Variants in PRKCA observed in about 807,000 individuals in gnomAD.
The protein encoded by PRKCA is protein kinase C alpha, also known as protein kinase C alpha type.
PRKCA carries 27 observed loss-of-function variants against 87.0 expected under a neutral mutation model. The ratio of observed to expected loss-of-function variants is 0.31; its 90% confidence interval spans 0.23 to 0.43. PRKCA has a LOEUF of 0.43. PRKCA is among the 20% of genes least tolerant of loss of function. The pLI, the probability that PRKCA is intolerant of heterozygous loss-of-function variation, is 1.00. For synonymous variants in PRKCA, 329 were observed against 311.1 expected, an observed-to-expected ratio of 1.06 and a Z score of -0.61; for missense variants, 518 against 852.3, an observed-to-expected ratio of 0.61 and a Z score of 4.88.
At chr17:66,763,744 T>C (rs1974736973) in intron 13 of PRKCA, among the ~76,000 whole-genome samples, 1 of 152,138 alleles carries the variant, frequency 6.6e-6, no homozygotes, top group African/African-American at 2.4e-5. Context: ...AAGATTGGGC[T>C]CTAGGGGTTT....
At chr17:66,732,349 A>G (rs1413598517) in intron 8 of PRKCA, among the ~76,000 whole-genome samples, 2 of 152,224 alleles carry the variant, frequency 1.3e-5, no homozygotes, top group African/African-American at 4.8e-5. Context: ...TATTATGTTC[A>G]TGGACCCGAA....
intron 2 of PRKCA, among the ~76,000 whole-genome samples, chr17:66,433,822 G>A (rs545297487): frequency 6.6e-6 from 1 of 152,280 alleles, no homozygotes; most frequent in East Asian, 1.9e-4. Context: ...TGGGATTATA[G>A]GTGTGAGCCA....
At chr17:66,526,603 G>A (rs925270247) in intron 3 of PRKCA, among the ~76,000 whole-genome samples, 1 of 152,184 alleles carries the variant, frequency 6.6e-6, no homozygotes, top group African/African-American at 2.4e-5. Flanking sequence ...GTTCATTCTA[G>A]GCTTGGTAGG....
Position 66,448,876 on chromosome 17 carries a change from A to C in PRKCA, c.206-47325A>C, listed in dbSNP as rs141824385. Among the ~76,000 whole-genome samples, 913 of 152,168 alleles carry C rather than the reference A, an allele frequency of 6.0e-3. 38 individuals are homozygous for C. Among genetic ancestry groups the C allele is most frequent in the Admixed American group, 0.053 (813 of 15,286 alleles). ...ATTCTGGCAAAAAAAAAAAAATCTA[A>C]AAGTTTTTTAAACTTATTGAATCTG... On this transcript the variant is annotated intron_variant, in intron 2 of 16. Transcript: ENST00000413366.
intron 2 of PRKCA, among the ~76,000 whole-genome samples, chr17:66,347,940 C>CATTTTTTTTT (rs1489452253): frequency 8.2e-5 from 1 of 12,168 alleles, no homozygotes; most frequent in African/African-American, 1.2e-4. Flanking sequence ...GAATTCTGAA[C>CATTTTTTTTT]CTTTTTTTTT....
chr17:66,515,558 G>T (rs183585743), intron 3 of PRKCA, among the ~76,000 whole-genome samples: 52 of 152,132 alleles, frequency 3.4e-4, no homozygotes, highest in Non-Finnish European at 6.0e-4. Context: ...TTTTTTGCGG[G>T]GGGTAGGGTG....
intron 8 of PRKCA, 35 bp from the exon 9 acceptor site, chr17:66,732,653 G>T: frequency 1.2e-6 from 2 of 1,612,992 alleles, no homozygotes; most frequent in South Asian, 2.2e-5. Flanking sequence ...CCAGAAAAAT[G>T]ACCCACGTGT....
At chr17:66,782,483 C>T (rs1329351150) in intron 14 of PRKCA, among the ~76,000 whole-genome samples, 1 of 152,154 alleles carries the variant, frequency 6.6e-6, no homozygotes, top group Non-Finnish European at 1.5e-5. Context: ...GGAAGCAACA[C>T]AGAAGCTGCA....
rs1223476956 is a variant in PRKCA at position 66,792,019 on chromosome 17, C to T, written c.1854+3040C>T. Among the ~76,000 whole-genome samples the T allele has an allele frequency of 6.6e-6, 1 of 152,194 alleles. No homozygotes were observed. The highest frequency in any genetic ancestry group is 6.5e-5 in the Admixed American group (1 of 15,280). ...AGCCTAAATAGTGCTGCTGGAGAAA[C>T]GATCAGGCAAATGTCACACAGCTAG... On this transcript the variant is annotated intron_variant, in intron 16 of 16. Coordinates refer to ENST00000413366, the MANE Select transcript of PRKCA (RefSeq NM_002737.3). The surrounding 1 kb of genome is among the most constrained non-coding windows in gnomAD (Gnocchi z 4.5).
chr17:66,736,547 G>A (rs1020244816), intron 10 of PRKCA, among the ~76,000 whole-genome samples: 1 of 152,136 alleles, frequency 6.6e-6, no homozygotes, highest in Non-Finnish European at 1.5e-5. Context: ...CAAAGTGCTG[G>A]GATTACAGGC....
chr17:66,438,555 T>C (rs760827235), intron 2 of PRKCA, among the ~76,000 whole-genome samples: 31 of 152,176 alleles, frequency 2.0e-4, no homozygotes. Flanking sequence ...AACCGGTTAT[T>C]TCATTTAAAA....
At chr17:66,637,147 C>A (rs978984341) in intron 3 of PRKCA, among the ~76,000 whole-genome samples, 1 of 152,074 alleles carries the variant, frequency 6.6e-6, no homozygotes, top group African/African-American at 2.4e-5. Context: ...CGTGAGTAAG[C>A]CTTAGGTTTT....
intron 3 of PRKCA, among the ~76,000 whole-genome samples, chr17:66,521,110 G>C (rs1467803239): frequency 6.6e-6 from 1 of 151,394 alleles, no homozygotes; most frequent in African/African-American, 2.4e-5. Flanking sequence ...AACTAATTTT[G>C]ATTTGGAAAT....
At chr17:66,786,765 G>A in intron 14 of PRKCA, 102 bp from the exon 15 acceptor site, 1 of 847,754 alleles carries the variant, frequency 1.2e-6, no homozygotes, top group Non-Finnish European at 1.9e-6. Context: ...GTGGGGCTGA[G>A]AAACCTGGTC....
chr17:66,720,474 C>A (rs1441065044), intron 8 of PRKCA, among the ~76,000 whole-genome samples: 1 of 152,218 alleles, frequency 6.6e-6, no homozygotes, highest in Non-Finnish European at 1.5e-5. Context: ...AGGCCATATT[C>A]CACTAACGAT....
chr17:66,347,399 T>C (rs1326750059), intron 2 of PRKCA, among the ~76,000 whole-genome samples: 2 of 152,220 alleles, frequency 1.3e-5, no homozygotes, highest in Admixed American at 1.3e-4. Flanking sequence ...TAATAGCTTT[T>C]TCACGTAACT....
intron 2 of PRKCA, among the ~76,000 whole-genome samples, chr17:66,343,472 G>A (rs1357779039): frequency 6.6e-6 from 1 of 152,096 alleles, no homozygotes. Flanking sequence ...TTGAAGTGGT[G>A]TAAGTGAGTA....
chr17:66,307,659 G>T (rs1356314832), intron 2 of PRKCA, among the ~76,000 whole-genome samples: 1 of 152,154 alleles, frequency 6.6e-6, no homozygotes, highest in African/African-American at 2.4e-5. Flanking sequence ...AGCAGATTTT[G>T]TGGAAATCAC....
At chr17:66,454,628 CAA>C (rs1444040183) in intron 2 of PRKCA, among the ~76,000 whole-genome samples, 3 of 152,168 alleles carry the variant, frequency 2.0e-5, no homozygotes, top group African/African-American at 7.2e-5. Flanking sequence ...TGGCAGCAGA[CAA>C]GAGTAAGAGC....
Sources: allele counts gnomAD v4.1 joint callset (sites outside exome capture counted in the v4.1 genomes callset), GRCh38; gene constraint gnomAD v4.1.1; non-coding constraint Gnocchi (gnomAD v3.1); transcripts MANE v1.5; gene names NCBI Gene and HGNC (gene_info 2026-07-23, HGNC 2026-07-21).